IRX1: variants seen among roughly 807,000 people sequenced by gnomAD.
IRX1 encodes iroquois-class homeodomain protein IRX-1.
IRX1 carries 22 observed loss-of-function variants against 34.1 expected under a neutral mutation model. The ratio of observed to expected loss-of-function variants is 0.64; its 90% CI spans 0.46 to 0.92. IRX1 has a LOEUF of 0.92. Among genes scored for constraint, IRX1 ranks in the 40% least tolerant of loss-of-function variants. The pLI is 0.00. For missense variants in IRX1, 758 were observed against 680.0 expected (o/e 1.11, Z -1.28); for synonymous variants, 363 against 319.0 (o/e 1.14, Z -1.47).
chr5:3,596,319 G>C lies in IRX1; in HGVS notation c.214G>C (p.Gly72Arg), dbSNP rs756952014. ...GTACGCGGCGGCGGGGCCGTACGCG[G>C]GCGCGCCCAACTACAGCGCCTTCCT... ...GMYAAAGPYA[G>R]APNYSAFLPY... is the part of the protein sequence containing the mutation. The change falls in exon 1 of 4, where the codon GGC (glycine) becomes CGC (arginine). Residue 72 changes from glycine (G) to arginine (R), a missense_variant. By Grantham distance (125) the Gly-to-Arg change is moderately radical. Transcript: ENST00000302006. The C allele has an allele frequency of 4.9e-5, 73 of 1,501,218 alleles. No individual in the cohort carries two copies. In the Middle Eastern group the frequency reaches 1.2e-3, roughly 25 times the overall value. 93.0% of individuals were successfully genotyped at this position (1,501,218 alleles called of 1,614,324 possible).
In IRX1 at chr5:3,599,329, C is replaced by T. The variant is rs1277870969; in HGVS notation, c.381C>T (p.Asp127=). Residue 127 remains aspartate, a synonymous_variant, in exon 2 of 4, where the codon GAC becomes GAT. Transcript: ENST00000302006. The surrounding 1 kb of genome is among the most constrained non-coding windows in gnomAD (Gnocchi z 6.6). The part of the protein sequence containing the change: ...YYPYGQFQYG[D]PGRPKNATRE... ...CCTACGGCCAGTTCCAATACGGGGACCCCGGGCGGCCCAAGAACGCCACCC... is the reference window on the plus strand; with the variant it reads ...CCTACGGCCAGTTCCAATACGGGGATCCCGGGCGGCCCAAGAACGCCACCC... The T allele has an allele frequency of 3.1e-6, 5 of 1,614,002 alleles. No individual in the cohort carries two copies. The highest frequency in any genetic ancestry group is 3.3e-5 in the Admixed American group (2 of 60,008).
chr5:3,596,643 G>C (rs75780980), intron 1 of IRX1, among the ~76,000 whole-genome samples: 1 of 151,940 alleles, frequency 6.6e-6, no homozygotes, highest in Non-Finnish European at 1.5e-5. Context: ...AGTGAATTCA[G>C]AGAGGCCGCA....
Position 3,599,673 on chromosome 5 carries a change from A to G in IRX1, c.725A>G (p.Asn242Ser), listed in dbSNP as rs775047363. The G allele has an allele frequency of 1.2e-6, 2 of 1,613,562 alleles. No individual in the cohort carries two copies. Among genetic ancestry groups the G allele is most frequent in the Non-Finnish European group, 1.7e-6 (2 of 1,180,036 alleles). Reference sequence around the variant, plus strand: ...GACGAGCACGATGGCGACCAGAGCAACGAGGATGACGAGGACAAGGCCGAG... The same window carrying G: ...GACGAGCACGATGGCGACCAGAGCAGCGAGGATGACGAGGACAAGGCCGAG... ...KIDEHDGDQSNEDDEDKAEAP... is the reference protein window; with the variant it reads ...KIDEHDGDQSSEDDEDKAEAP... Residue 242 changes from asparagine (N) to serine (S), a missense_variant, in exon 2 of 4, where the codon AAC becomes AGC. Asn to Ser is a conservative substitution (Grantham distance 46). Around this residue, in one of 3 missense-constraint regions of IRX1, gnomAD observed 529 missense variants for 418.8 expected, o/e 1.26. Transcript: ENST00000302006. The surrounding 1 kb of genome is among the most constrained non-coding windows in gnomAD (Gnocchi z 6.6).
chr5:3,596,244 G>T lies in IRX1; in HGVS notation c.139G>T (p.Glu47Ter). The T allele has an allele frequency of 8.4e-7, 1 of 1,188,830 alleles. No homozygotes were observed. Among genetic ancestry groups the T allele is most frequent in the Non-Finnish European group, 1.0e-6 (1 of 960,424 alleles). The allele number at this position is 1,188,830 out of a possible 1,614,324, so 73.6% of individuals were successfully genotyped here. A position where few individuals can be genotyped will look rare whatever the true frequency, so the allele number is the denominator to read the frequency against. Residue 47 changes from glutamate to a stop codon, truncating the protein, a stop_gained, in exon 1 of 4, where the codon GAG (glutamate) becomes TAG (stop). Coordinates refer to ENST00000302006, the MANE Select transcript of IRX1 (RefSeq NM_024337.4). LOFTEE classifies it high-confidence loss of function. ...AASSGRPGAA[E>*]LGGGAGAAAV... ...CTCGTCGGGCCGACCGGGGGCCGCG[G>T]AGCTGGGCGGCGGGGCAGGCGCGGC...
At chr5:3,597,591 G>A (rs1056966013) in intron 1 of IRX1, among the ~76,000 whole-genome samples, 7 of 152,188 alleles carry the variant, frequency 4.6e-5, no homozygotes, top group Non-Finnish European at 7.3e-5. Context: ...CGGGGAGGCC[G>A]GGACGCGATG....
In IRX1 at chr5:3,599,232, A is replaced by C; in HGVS notation, c.284A>C (p.Gln95Pro). The change falls in exon 2 of 4, where the codon CAG becomes CCG. Residue 95 changes from glutamine (Q) to proline (P), a missense_variant. Transcript: ENST00000302006. The surrounding 1 kb of genome is among the most constrained non-coding windows in gnomAD (Gnocchi z 6.6). ...TCTGCCCTGTGGCTTCAGGGCTCGC[A>C]GTATGAACTGAAGGACAACCCTGGG... ...DLSLFSQMGS[Q>P]YELKDNPGVH... 1.9e-6 allele frequency: 3 copies of C among 1,612,362 alleles called. No homozygotes were observed. Among genetic ancestry groups the C allele is most frequent in the Non-Finnish European group, 2.5e-6 (3 of 1,179,148 alleles).
chr5:3,596,400 C>A lies in IRX1; in HGVS notation c.276+19C>A. The A allele has an allele frequency of 6.7e-7, 1 of 1,490,730 alleles. No individual in the cohort carries two copies. The highest frequency in any genetic ancestry group is 8.9e-7 in the Non-Finnish European group (1 of 1,120,462). The allele number at this position is 1,490,730 out of a possible 1,614,324, so 92.3% of individuals were successfully genotyped here. On this transcript the variant is annotated intron_variant, in intron 1 of 3. Coordinates refer to ENST00000302006, the MANE Select transcript of IRX1 (RefSeq NM_024337.4). Reference sequence around the variant, plus strand: ...GCAGATGGTGAGTGCGCCCGGCCTCCCCCGCTTCTCCTCTGTCTCACCCGC... The same window carrying A: ...GCAGATGGTGAGTGCGCCCGGCCTCACCCGCTTCTCCTCTGTCTCACCCGC...
chr5:3,596,169 G>C lies in IRX1; in HGVS notation c.64G>C (p.Gly22Arg). ...CGCCGCGGGGCCGGGCGCCTACGGC[G>C]GCGAGCGCCCGGGGGTGCTGGCCGC... ...LSAAGPGAYG[G>R]ERPGVLAAAA... The change falls in exon 1 of 4, where the codon GGC becomes CGC. Residue 22 changes from glycine (G) to arginine (R), a missense_variant. Physicochemically the swap from Gly to Arg is moderately radical, Grantham distance 125 (BLOSUM62 -2). Around this residue, in one of 3 missense-constraint regions of IRX1, gnomAD observed 195 missense variants for 195.0 expected, o/e 1.00. Transcript: ENST00000302006. 1.9e-6 allele frequency: 2 copies of C among 1,032,924 alleles called. No homozygotes were observed. Among genetic ancestry groups the C allele is most frequent in the Middle Eastern group, 4.6e-4 (1 of 2,156 alleles). The allele number at this position is 1,032,924 out of a possible 1,614,324, so 64.0% of individuals were successfully genotyped here.
chr5:3,600,306 G>A (rs1355212753), intron 2 of IRX1, 46 bp downstream of exon 2: 3 of 1,489,096 alleles, frequency 2.0e-6, no homozygotes, highest in Non-Finnish European at 2.7e-6. Context: ...TGGGAATGCA[G>A]AGGCCTGGCT....
At position 3,596,065 on chromosome 5, in the gene IRX1, T is replaced by C; in HGVS notation, c.-41T>C. The C allele has an allele frequency of 9.6e-7, 1 of 1,044,360 alleles. No homozygotes were observed. The highest frequency in any genetic ancestry group is 4.4e-5 in the South Asian group (1 of 22,940). 64.7% of individuals were successfully genotyped at this position (1,044,360 alleles called of 1,614,324 possible). On this transcript the variant is annotated 5_prime_UTR_variant, in exon 1 of 4. Coordinates refer to ENST00000302006, the MANE Select transcript of IRX1 (RefSeq NM_024337.4). ...CGGCCTCCGCCTCCCTCCCCGCGCC[T>C]TTAATACTCGCCCGCTGCGGCGGTC...
rs184211441 is a variant in IRX1 at position 3,598,030 on chromosome 5, A to C, written c.277-1195A>C. Among the ~76,000 whole-genome samples the C allele has an allele frequency of 1.2e-4, 18 of 152,252 alleles. No homozygotes were observed. In the East Asian group the frequency reaches 3.1e-3, roughly 26 times the overall value. The stretch of plus-strand genomic sequence containing the variant: ...GTTCTGAGTTGTTTTTCCCACCTAG[A>C]GGGATAATATGTAAAAATTATTCCC... On this transcript the variant is annotated intron_variant, in intron 1 of 3. Coordinates refer to ENST00000302006, the MANE Select transcript of IRX1 (RefSeq NM_024337.4).
intron 1 of IRX1, 70 bp downstream of exon 1, chr5:3,596,451 CG>C: frequency 7.4e-7 from 1 of 1,346,750 alleles, no homozygotes. Context: ...GCGGGTCGCC[CG>C]GGAGGGAGAG....
Position 3,599,116 on chromosome 5 carries a change from G to A in IRX1, c.277-109G>A. The A allele has an allele frequency of 8.5e-7, 1 of 1,174,132 alleles. No homozygotes were observed. Among genetic ancestry groups the A allele is most frequent in the South Asian group, 1.5e-5 (1 of 64,630 alleles). The allele number at this position is 1,174,132 out of a possible 1,614,324, so 72.7% of individuals were successfully genotyped here. A position where few individuals can be genotyped will look rare whatever the true frequency, so the allele number is the denominator to read the frequency against. Reference sequence around the variant, plus strand: ...GGGAGGCCCTCGAGTCCATTGAAGCGGCTGCTTCCCACTCTCCCGTCTTGG... The same window carrying A: ...GGGAGGCCCTCGAGTCCATTGAAGCAGCTGCTTCCCACTCTCCCGTCTTGG... On this transcript the variant is annotated intron_variant, in intron 1 of 3. Transcript: ENST00000302006. The surrounding 1 kb of genome is among the most constrained non-coding windows in gnomAD (Gnocchi z 6.6).
At chr5:3,598,443 G>T (rs565630077) in intron 1 of IRX1, among the ~76,000 whole-genome samples, 2 of 152,094 alleles carry the variant, frequency 1.3e-5, no homozygotes, top group Non-Finnish European at 2.9e-5. Context: ...ATACTGAACC[G>T]GTTCCCCTCC....
intron 1 of IRX1, among the ~76,000 whole-genome samples, chr5:3,596,900 C>G (rs1006476985): frequency 3.3e-5 from 5 of 152,076 alleles, no homozygotes; most frequent in Non-Finnish European, 5.9e-5. Context: ...CCAGACAGAC[C>G]CCTTCTAAGC....
chr5:3,600,485 G>T, intron 2 of IRX1, 124 bp from the exon 3 acceptor site: 1 of 944,656 alleles, frequency 1.1e-6, no homozygotes, highest in South Asian at 1.6e-5. Context: ...GGTGGTGGTG[G>T]GGTGAGGGGT....
rs1437710938 is a variant in IRX1 at position 3,601,066 on chromosome 5, G to C, written c.*26G>C. 1.3e-6 allele frequency: 2 copies of C among 1,586,232 alleles called. No individual in the cohort carries two copies. Among genetic ancestry groups the C allele is most frequent in the African/African-American group, 2.7e-5 (2 of 74,296 alleles). ...TTAAGGGTCTTCTTTTACTTTTGCG[G>C]GGGGGAGGGGGGAGGAGTTGGGGAG... On this transcript the variant is annotated 3_prime_UTR_variant, in exon 4 of 4. Coordinates refer to ENST00000302006, the MANE Select transcript of IRX1 (RefSeq NM_024337.4).
Position 3,599,863 on chromosome 5 carries a change from C to A in IRX1, c.915C>A (p.Gly305=), listed in dbSNP as rs1173244168. 63 of 1,515,016 alleles carry A rather than the reference C, an allele frequency of 4.2e-5. No individual in the cohort carries two copies. Among genetic ancestry groups the A allele is most frequent in the Non-Finnish European group, 5.5e-5 (63 of 1,136,074 alleles). The allele number at this position is 1,515,016 out of a possible 1,614,324, so 93.8% of individuals were successfully genotyped here. Residue 305 remains glycine (G), a synonymous_variant, in exon 2 of 4, where the codon GGC becomes GGA. Coordinates refer to ENST00000302006, the MANE Select transcript of IRX1 (RefSeq NM_024337.4). This position sits in a 1 kb window ranked among gnomAD's most constrained non-coding sequence, Gnocchi z 6.6. ...TGAGCCCCGGCGCTGCAGCGGGCGG[C>A]CTGCAGGGTGCGCCGCACGGCAAGC... ...RLLSPGAAAG[G]LQGAPHGKPK... is the part of the protein sequence containing the mutation.
At position 3,601,032 on chromosome 5, in the gene IRX1, T is replaced by A. The variant is rs1383023094; in HGVS notation, c.1435T>A (p.Ser479Thr). 1 of 1,566,814 alleles carries A rather than the reference T, an allele frequency of 6.4e-7. No individual in the cohort carries two copies. Among genetic ancestry groups the A allele is most frequent in the Non-Finnish European group, 8.7e-7 (1 of 1,152,680 alleles). ...GCCGCGGATCCTAGCAGCCCTCCCGTCCGCCTGATTAAGGGTCTTCTTTTA... is the reference window on the plus strand; with the variant it reads ...GCCGCGGATCCTAGCAGCCCTCCCGACCGCCTGATTAAGGGTCTTCTTTTA... ...GTPRILAALP[S>T]A is the part of the protein sequence containing the mutation. Residue 479 changes from serine (S) to threonine (T), a missense_variant, in exon 4 of 4, where the codon TCC (serine) becomes ACC (threonine). Ser to Thr is a moderately conservative substitution (Grantham distance 58). Transcript: ENST00000302006.
Sources: gnomAD v4.1 joint callset for allele counts (sites outside exome capture counted in the v4.1 genomes callset) on GRCh38, gnomAD v4.1.1 for gene constraint, gnomAD v4.1.1 regional missense constraint, Gnocchi (gnomAD v3.1) non-coding constraint, MANE v1.5 for transcripts, NCBI Gene and HGNC (gene_info 2026-07-23, HGNC 2026-07-21) for gene names.